Variants in PLPPR4 observed in about 807,000 individuals in gnomAD.
PLPPR4 encodes phospholipid phosphatase-related protein type 4.
In PLPPR4, 24 loss-of-function variants were observed where a neutral mutation model predicts 56.6. The ratio of observed to expected loss-of-function variants is 0.42; its 90% CI spans 0.31 to 0.60. The LOEUF is 0.60. PLPPR4 is among the 20% of genes least tolerant of loss of function. PLPPR4 has a pLI of 0.13. For synonymous variants in PLPPR4, 326 were observed against 328.1 expected (o/e 0.99, Z 0.07); for missense variants, 654 against 885.8 (o/e 0.74, Z 3.32).
intron 1 of PLPPR4, among the ~76,000 whole-genome samples, chr1:99,279,186 C>T (rs1020925994): frequency 3.9e-5 from 6 of 152,048 alleles, no homozygotes. Context: ...AGGATCTTGT[C>T]GCTGAATAAG....
At position 99,307,014 on chromosome 1, in the gene PLPPR4, A is replaced by C. The variant is rs757087125; in HGVS notation, c.*4A>C. The C allele has an allele frequency of 6.3e-7, 1 of 1,582,194 alleles. No homozygotes were observed. Among genetic ancestry groups the C allele is most frequent in the African/African-American group, 1.3e-5 (1 of 74,206 alleles). On this transcript the variant is annotated 3_prime_UTR_variant, in exon 7 of 7. Coordinates refer to ENST00000370185, the MANE Select transcript of PLPPR4 (RefSeq NM_014839.5). ...CACACGGGCTTATAAGGATTGAGTG[A>C]TGTCCATTCCATCATTAGGGCTACT...
chr1:99,308,514 T>G lies in PLPPR4; in HGVS notation c.*1504T>G, dbSNP rs1472488062. On this transcript the variant is annotated 3_prime_UTR_variant, in exon 7 of 7. Transcript: ENST00000370185. ...CTTGGAACTTAGTATTAAACCTTTT[T>G]TATGCCATTTCATAAGAATTCCGAT... 6.6e-6 allele frequency: 1 copy of G among 152,608 alleles called. No homozygotes were observed. The highest frequency in any genetic ancestry group is 1.5e-5 in the Non-Finnish European group (1 of 68,032). 9.5% of individuals were successfully genotyped at this position (152,608 alleles called of 1,614,324 possible).
chr1:99,269,469 G>A (rs929026427), intron 1 of PLPPR4, among the ~76,000 whole-genome samples: 4 of 152,230 alleles, frequency 2.6e-5, no homozygotes, highest in Non-Finnish European at 5.9e-5. Context: ...CTGGTTGTCT[G>A]GGGCTAGTGC....
rs754693317 is a variant in PLPPR4, at chr1:99,306,691, G to T, written c.1829G>T (p.Arg610Leu). 6.2e-7 allele frequency: 1 copy of T among 1,614,050 alleles called. No homozygotes were observed. Among genetic ancestry groups the T allele is most frequent in the South Asian group, 1.1e-5 (1 of 91,064 alleles). Residue 610 changes from arginine to leucine, a missense_variant, in exon 7 of 7, where the codon CGC becomes CTC. By Grantham distance (102) the Arg-to-Leu change is moderately radical (BLOSUM62 -2). Coordinates refer to ENST00000370185, the MANE Select transcript of PLPPR4 (RefSeq NM_014839.5). The surrounding 1 kb of genome is among the most constrained non-coding windows in gnomAD (Gnocchi z 4.0). ...KWKAPEKGSL[R>L]QTYELNDLNR... Reference sequence around the variant, plus strand: ...AAAGCCCCTGAAAAGGGCAGCCTTCGCCAAACTTACGAGCTCAACGATCTC... The same window carrying T: ...AAAGCCCCTGAAAAGGGCAGCCTTCTCCAAACTTACGAGCTCAACGATCTC...
At chr1:99,303,771 G>T (rs760010464) in intron 6 of PLPPR4, among the ~76,000 whole-genome samples, 15 of 152,084 alleles carry the variant, frequency 9.9e-5, no homozygotes, top group Admixed American at 2.0e-4. Flanking sequence ...ATTCTCACTC[G>T]CATGCATTCT....
chr1:99,264,726 G>T, intron 1 of PLPPR4, 55 bp downstream of exon 1: 1 of 1,532,168 alleles, frequency 6.5e-7, no homozygotes, highest in South Asian at 1.2e-5. Context: ...TCTCCTGAGC[G>T]AATTCAGGTC....
At chr1:99,265,481 A>G (rs140512318) in intron 1 of PLPPR4, among the ~76,000 whole-genome samples, 8 of 152,328 alleles carry the variant, frequency 5.3e-5, no homozygotes, top group Admixed American at 5.2e-4. Flanking sequence ...AGATTGGCAG[A>G]TACAGTGATT....
chr1:99,300,076 T>C (rs1326570002), intron 4 of PLPPR4, among the ~76,000 whole-genome samples: 1 of 152,044 alleles, frequency 6.6e-6, no homozygotes, highest in Admixed American at 6.6e-5. Context: ...TCATGTATCA[T>C]TCAATAATTT....
intron 5 of PLPPR4, 64 bp from the exon 6 acceptor site, chr1:99,301,660 T>G: frequency 8.6e-7 from 1 of 1,166,484 alleles, no homozygotes; most frequent in East Asian, 2.4e-5. Flanking sequence ...AACTTTTATT[T>G]GATTATAATT....
intron 6 of PLPPR4, among the ~76,000 whole-genome samples, chr1:99,305,425 A>G (rs1659997654): frequency 6.6e-6 from 1 of 152,194 alleles, no homozygotes; most frequent in Non-Finnish European, 1.5e-5. Flanking sequence ...GAAAATATAC[A>G]CAGGATAAGA....
chr1:99,300,993 G>A (rs1345084210), intron 5 of PLPPR4, 27 bp downstream of exon 5: 6 of 1,597,538 alleles, frequency 3.8e-6, no homozygotes, highest in Non-Finnish European at 5.1e-6. Flanking sequence ...TTTTTGTTAA[G>A]TTGTGTTCTA....
chr1:99,282,014 T>G (rs991154476), intron 1 of PLPPR4, among the ~76,000 whole-genome samples: 2 of 152,220 alleles, frequency 1.3e-5, no homozygotes, highest in African/African-American at 4.8e-5. Flanking sequence ...GTGAGGATTT[T>G]GCTGCTTAAA....
rs1246270792 is a variant in PLPPR4, at chr1:99,308,541, T to C, written c.*1531T>C. On this transcript the variant is annotated 3_prime_UTR_variant, in exon 7 of 7. Transcript: ENST00000370185. ...ATGCCATTTCATAAGAATTCCGATA[T>C]ATACTTGATGATTGCCAAGGGGATG... 2 of 152,626 alleles carry C rather than the reference T, an allele frequency of 1.3e-5. No homozygotes were observed. Among genetic ancestry groups the C allele is most frequent in the African/African-American group, 2.4e-5 (1 of 41,444 alleles). 9.5% of individuals were successfully genotyped at this position (152,626 alleles called of 1,614,324 possible).
At chr1:99,302,177 T>A (rs1002200957) in intron 6 of PLPPR4, among the ~76,000 whole-genome samples, 2 of 152,074 alleles carry the variant, frequency 1.3e-5, no homozygotes, top group African/African-American at 4.8e-5. Context: ...CTACTATAAT[T>A]ATAATGCTAC....
At chr1:99,279,364 T>C (rs937953334) in intron 1 of PLPPR4, among the ~76,000 whole-genome samples, 1 of 152,168 alleles carries the variant, frequency 6.6e-6, no homozygotes, top group Non-Finnish European at 1.5e-5. Context: ...ATATTAGAAA[T>C]CATTCACTAG....
intron 2 of PLPPR4, among the ~76,000 whole-genome samples, chr1:99,294,098 C>CAAA (rs397714686): frequency 6.8e-6 from 1 of 146,136 alleles, no homozygotes. Context: ...CTGTGCCATT[C>CAAA]AAAAAAAAAA....
chr1:99,284,320 T>C (rs868841697), intron 1 of PLPPR4, among the ~76,000 whole-genome samples: 49 of 152,300 alleles, frequency 3.2e-4, no homozygotes, highest in Middle Eastern at 6.8e-3. Context: ...GAACACCATG[T>C]ATAAAATTAT....
rs900321761 is a variant in PLPPR4, at chr1:99,306,371, C to T, written c.1509C>T (p.Ser503=). The change falls in exon 7 of 7, where the codon AGC becomes AGT. Residue 503 remains serine (S), a synonymous_variant. Coordinates refer to ENST00000370185, the MANE Select transcript of PLPPR4 (RefSeq NM_014839.5). The surrounding 1 kb of genome is among the most constrained non-coding windows in gnomAD (Gnocchi z 4.0). ...QENISTSPKS[S]SARAKWLKAA... ...ACATAAGCACCTCCCCCAAAAGCAG[C>T]TCTGCTCGGGCCAAGTGGTTAAAAG... 1.6e-5 allele frequency: 26 copies of T among 1,614,044 alleles called. No homozygotes were observed. Among genetic ancestry groups the T allele is most frequent in the South Asian group, 3.3e-5 (3 of 91,084 alleles).
intron 2 of PLPPR4, among the ~76,000 whole-genome samples, chr1:99,296,079 C>G (rs571318517): frequency 2.6e-5 from 4 of 152,204 alleles, no homozygotes; most frequent in Non-Finnish European, 5.9e-5. Context: ...TAAGAGAGTC[C>G]TCTTGATACT....
Sources: gnomAD v4.1 joint callset for allele counts (sites outside exome capture counted in the v4.1 genomes callset) on GRCh38, gnomAD v4.1.1 for gene constraint, Gnocchi (gnomAD v3.1) non-coding constraint, MANE v1.5 for transcripts, NCBI Gene and HGNC (gene_info 2026-07-23, HGNC 2026-07-21) for gene names.